UNC5D: variants seen among roughly 807,000 people sequenced by gnomAD.
UNC5D encodes the protein netrin receptor UNC5D.
In UNC5D, 39 loss-of-function variants were observed where a neutral mutation model predicts 105.4. The observed-to-expected ratio is 0.37, with a 90% CI of 0.29 to 0.48. UNC5D has a LOEUF of 0.48. Ranked by LOEUF, UNC5D falls within the 20% of genes least tolerant of loss-of-function variation. The pLI is 0.98. For missense variants in UNC5D, 991 were observed against 1,202.4 expected (o/e 0.82, Z 2.60); for synonymous variants, 452 against 450.4 (o/e 1.00, Z -0.04).
chr8:35,743,332 T>C (rs1251249878), intron 11 of UNC5D, among the ~76,000 whole-genome samples: 1 of 151,978 alleles, frequency 6.6e-6, no homozygotes, highest in Non-Finnish European at 1.5e-5. Context: ...TGCACTGGGG[T>C]GATCTCGGCT....
intron 1 of UNC5D, among the ~76,000 whole-genome samples, chr8:35,505,180 A>G (rs1046389863): frequency 5.9e-5 from 9 of 152,320 alleles, no homozygotes; most frequent in African/African-American, 2.2e-4. Context: ...AAAATCAAAA[A>G]TTAAAGAGAA....
chr8:35,336,570 G>GGCATCACAGGAGACACAGC (rs1811057646), intron 1 of UNC5D, among the ~76,000 whole-genome samples: 1 of 152,162 alleles, frequency 6.6e-6, no homozygotes, highest in Non-Finnish European at 1.5e-5. Flanking sequence ...GAACCAGCCA[G>GGCATCACAGGAGACACAGC]GCATCACAGG....
chr8:35,602,138 G>A (rs1819933934), intron 4 of UNC5D, among the ~76,000 whole-genome samples: 3 of 152,174 alleles, frequency 2.0e-5, no homozygotes, highest in African/African-American at 4.8e-5. Context: ...TGGCATCCCA[G>A]GGATTAAGCC....
rs1490386772 is a variant in UNC5D, at chr8:35,726,322, T to C, written c.1474T>C (p.Ser492Pro). ...GAAAGTCCAGAGCTCGTTCATGGTT[T>C]CCCTGGGAGTGTCTGAGAGAGCTGA... is the stretch of plus-strand genomic sequence containing the variant. Reference protein sequence around the residue: ...KVKVQSSFMVSLGVSERAEYH... With the variant: ...KVKVQSSFMVPLGVSERAEYH... The change falls in exon 10 of 17, where the codon TCC (serine) becomes CCC (proline). Residue 492 changes from serine to proline, a missense_variant. Physicochemically the swap from Ser to Pro is moderately conservative, Grantham distance 74. Around this residue, in one of 3 missense-constraint regions of UNC5D, gnomAD observed 944 missense variants for 1,131.6 expected, o/e 0.83. Transcript: ENST00000404895. 6.2e-7 allele frequency: 1 copy of C among 1,614,108 alleles called. No individual in the cohort carries two copies.
At chr8:35,709,667 G>A (rs1241224152) in intron 8 of UNC5D, among the ~76,000 whole-genome samples, 3 of 152,168 alleles carry the variant, frequency 2.0e-5, no homozygotes, top group Non-Finnish European at 4.4e-5. Context: ...TCCAGCCTGG[G>A]CAACAGAGCA....
intron 1 of UNC5D, among the ~76,000 whole-genome samples, chr8:35,239,495 CT>C (rs5890797): frequency 8.2e-4 from 121 of 146,858 alleles, no homozygotes; most frequent in Admixed American, 1.3e-3. Context: ...TTCCCTTCTG[CT>C]TTTTTTTTTT....
chr8:35,743,403 G>A (rs143421201), intron 11 of UNC5D, among the ~76,000 whole-genome samples: 7,527 of 151,816 alleles, frequency 0.05, 506 homozygotes, highest in African/African-American at 0.15. Flanking sequence ...CTGAGTAGCT[G>A]GGACTACAGG....
In UNC5D at chr8:35,726,433, T is replaced by G. The variant is rs1384208310; in HGVS notation, c.1585T>G (p.Tyr529Asp). 1 of 1,614,162 alleles carries G rather than the reference T, an allele frequency of 6.2e-7. No individual in the cohort carries two copies. The highest frequency in any genetic ancestry group is 1.1e-5 in the South Asian group (1 of 91,074). The change falls in exon 10 of 17, where the codon TAC becomes GAC. Residue 529 changes from tyrosine to aspartate, a missense_variant. Transcript: ENST00000404895. ...AATGCATCCCAGAAATAAAATGCCCTACATCCAAAATCTGTCATCACTCCC... is the reference window on the plus strand; with the variant it reads ...AATGCATCCCAGAAATAAAATGCCCGACATCCAAAATCTGTCATCACTCCC... ...STMHPRNKMP[Y>D]IQNLSSLPTR...
At chr8:35,303,800 A>T (rs1428941625) in intron 1 of UNC5D, among the ~76,000 whole-genome samples, 2 of 152,166 alleles carry the variant, frequency 1.3e-5, no homozygotes, top group Non-Finnish European at 2.9e-5. Context: ...TGTAGTTCTT[A>T]GTTAATCTTA....
At chr8:35,398,637 A>T (rs749703262) in intron 1 of UNC5D, among the ~76,000 whole-genome samples, 2 of 151,862 alleles carry the variant, frequency 1.3e-5, no homozygotes, top group Non-Finnish European at 1.5e-5. Flanking sequence ...TCCTGGGTTT[A>T]TCTTTCAGGT....
intron 1 of UNC5D, among the ~76,000 whole-genome samples, chr8:35,293,024 A>T (rs1585513589): frequency 6.6e-6 from 1 of 152,154 alleles, no homozygotes; most frequent in East Asian, 1.9e-4. Flanking sequence ...AGAGAAAGAA[A>T]AATATTATTA....
chr8:35,306,209 G>A (rs1487725315), intron 1 of UNC5D, among the ~76,000 whole-genome samples: 2 of 151,796 alleles, frequency 1.3e-5, no homozygotes, highest in African/African-American at 2.4e-5. Context: ...CATTGGAATC[G>A]GCGATGTGTG....
intron 1 of UNC5D, among the ~76,000 whole-genome samples, chr8:35,384,001 G>C (rs1373512904): frequency 6.6e-6 from 1 of 152,076 alleles, no homozygotes; most frequent in Admixed American, 6.6e-5. Flanking sequence ...AGATCACAAG[G>C]TCAGGAGATC....
intron 4 of UNC5D, among the ~76,000 whole-genome samples, chr8:35,639,110 G>A (rs958993749): frequency 6.6e-6 from 1 of 152,194 alleles, no homozygotes; most frequent in African/African-American, 2.4e-5. Context: ...GTTCGGATAT[G>A]ATTGGATTCT....
At chr8:35,649,190 A>T (rs1177294360) in intron 4 of UNC5D, among the ~76,000 whole-genome samples, 2 of 152,196 alleles carry the variant, frequency 1.3e-5, no homozygotes, top group African/African-American at 4.8e-5. Flanking sequence ...TTTTCAATAT[A>T]GAGGAACTAT....
intron 1 of UNC5D, among the ~76,000 whole-genome samples, chr8:35,379,982 A>C (rs1802923318): frequency 6.6e-6 from 1 of 150,376 alleles, no homozygotes; most frequent in Admixed American, 6.7e-5. Flanking sequence ...TATCTCCCAC[A>C]GTTCTTCAGG....
intron 1 of UNC5D, among the ~76,000 whole-genome samples, chr8:35,469,800 C>T (rs1367082924): frequency 6.6e-6 from 1 of 152,098 alleles, no homozygotes; most frequent in Non-Finnish European, 1.5e-5. Flanking sequence ...TGGATTTGCA[C>T]CTAACATAGA....
Position 35,579,692 on chromosome 8 carries a change from C to A in UNC5D, c.466+11451C>A, listed in dbSNP as rs114584869. Among the ~76,000 whole-genome samples, 827 of 152,278 alleles carry A rather than the reference C, an allele frequency of 5.4e-3. 4 individuals carry two copies. The highest frequency in any genetic ancestry group is 7.3e-3 in the Non-Finnish European group (497 of 68,024). ...TTGTAGTGAATGAATCTCAAGATGG[C>A]AGAAGATGGTGCTACCAAAGAGAAG... On this transcript the variant is annotated intron_variant, in intron 3 of 16. Transcript: ENST00000404895.
chr8:35,590,600 T>C (rs1819106988), intron 3 of UNC5D, among the ~76,000 whole-genome samples: 1 of 152,210 alleles, frequency 6.6e-6, no homozygotes, highest in Non-Finnish European at 1.5e-5. Flanking sequence ...AGCTACCCCA[T>C]TTTAATCATC....
Sources: gnomAD v4.1 joint callset for allele counts (sites outside exome capture counted in the v4.1 genomes callset) on GRCh38, gnomAD v4.1.1 for gene constraint, gnomAD v4.1.1 regional missense constraint, MANE v1.5 for transcripts, NCBI Gene and HGNC (gene_info 2026-07-23, HGNC 2026-07-21) for gene names.